The following RUBCNL variants were observed in gnomAD, a reference collection of about 807,000 sequenced individuals.
RUBCNL encodes rubicon like autophagy enhancer.
RUBCNL carries 62 observed loss-of-function variants against 69.5 expected under a neutral mutation model. The observed-to-expected ratio is 0.89, with a 90% CI of 0.73 to 1.10. The LOEUF is 1.10. Ranked by LOEUF, RUBCNL falls within the 50% of genes least tolerant of loss-of-function variation. The probability of loss-of-function intolerance (pLI) is 0.00; values close to 1 mark genes in which losing one functional copy is unlikely to be tolerated. For synonymous variants in RUBCNL, 291 were observed against 303.6 expected (o/e 0.96, Z 0.43); for missense variants, 768 against 798.1 (o/e 0.96, Z 0.45).
At chr13:46,371,117 A>AT (rs2048866249) in intron 3 of RUBCNL, among the ~76,000 whole-genome samples, 1 of 152,222 alleles carries the variant, frequency 6.6e-6, no homozygotes, top group Non-Finnish European at 1.5e-5. Flanking sequence ...GTAAGGGGGA[A>AT]GATGAGCTCC....
chr13:46,365,790 A>G (rs2048741116), intron 5 of RUBCNL, among the ~76,000 whole-genome samples: 3 of 152,230 alleles, frequency 2.0e-5, no homozygotes, highest in Admixed American at 2.0e-4. Flanking sequence ...AAAATTCCAG[A>G]ATAAAATGTG....
chr13:46,362,633 T>C (rs2048640209), intron 6 of RUBCNL, 35 bp from the exon 7 acceptor site: 1 of 1,467,094 alleles, frequency 6.8e-7, no homozygotes, highest in Admixed American at 1.8e-5. Flanking sequence ...GGTGAGGTCT[T>C]TTAGTCTGTT....
chr13:46,388,170 C>G (rs182924185), upstream of RUBCNL, among the ~76,000 whole-genome samples: 1,244 of 138,776 alleles, frequency 9.0e-3, 20 homozygotes, highest in African/African-American at 0.025. Context: ...CGCCATTGCA[C>G]TCCAGCCTGG....
chr13:46,356,503 A>G lies in RUBCNL; in HGVS notation c.1266-7T>C. ...TGCCACCACAAGGTCCCTCCTGAATACGAAAAATAATACTAGTTACATTTC... is the reference window on the plus strand; with the variant it reads ...TGCCACCACAAGGTCCCTCCTGAATGCGAAAAATAATACTAGTTACATTTC... On this transcript the variant is annotated splice_polypyrimidine_tract_variant and splice_region_variant and intron_variant, in intron 9 of 14. Coordinates refer to ENST00000429979, the MANE Select transcript of RUBCNL (RefSeq NM_025113.5). The G allele has an allele frequency of 6.2e-7, 1 of 1,612,848 alleles. No individual in the cohort carries two copies. The highest frequency in any genetic ancestry group is 1.3e-5 in the African/African-American group (1 of 74,988).
intron 1 of RUBCNL, among the ~76,000 whole-genome samples, chr13:46,384,930 G>C (rs866198926): frequency 1.6e-4 from 25 of 152,122 alleles, no homozygotes; most frequent in African/African-American, 5.6e-4. Context: ...CCAAACCCTG[G>C]AACCTTGTCC....
Position 46,338,817 on chromosome 13 carries a change from G to A in RUBCNL, c.*4568C>T, listed in dbSNP as rs985071034. 6.6e-6 allele frequency among the ~76,000 whole-genome samples: 1 copy of A among 152,054 alleles called. No individual in the cohort carries two copies. Among genetic ancestry groups the A allele is most frequent in the African/African-American group, 2.4e-5 (1 of 41,402 alleles). On this transcript the variant is annotated 3_prime_UTR_variant, in exon 15 of 15. Transcript: ENST00000429979. ...CACACCTGTAATCCAAGCACTTTGG[G>A]AGGCCGAGGCGGGTAGATCACTTCT...
At position 46,343,243 on chromosome 13, in the gene RUBCNL, G is replaced by T; in HGVS notation, c.*142C>A. Reference sequence around the variant, plus strand: ...AATCTGCATTCTTTTGAAACATTAAGTATATGCAATAAAGAGAATATAGAC... The same window carrying T: ...AATCTGCATTCTTTTGAAACATTAATTATATGCAATAAAGAGAATATAGAC... On this transcript the variant is annotated 3_prime_UTR_variant, in exon 15 of 15. Transcript: ENST00000429979. The T allele has an allele frequency of 7.9e-7, 1 of 1,262,230 alleles. No homozygotes were observed. The highest frequency in any genetic ancestry group is 1.1e-6 in the Non-Finnish European group (1 of 909,340). 78.2% of individuals were successfully genotyped at this position (1,262,230 alleles called of 1,614,324 possible). A position where few individuals can be genotyped will look rare whatever the true frequency, so the allele number is the denominator to read the frequency against.
At chr13:46,381,642 G>A (rs1273471369) in intron 1 of RUBCNL, among the ~76,000 whole-genome samples, 1 of 152,152 alleles carries the variant, frequency 6.6e-6, no homozygotes, top group Non-Finnish European at 1.5e-5. Context: ...GAGCGTAATG[G>A]TGCGATCTCG....
In RUBCNL at chr13:46,362,927, TATATATATATAG is replaced by T. The variant is rs1201563315; in HGVS notation, c.925+176_925+187del. ...AGACATTTGAAACAAGAACATCATATATATATATATAGATATATATATATATATATATATATA... is the reference window on the plus strand; with the variant it reads ...AGACATTTGAAACAAGAACATCATATATATATATATATATATATATATATA... On this transcript the variant is annotated intron_variant, in intron 6 of 14. Coordinates refer to ENST00000429979, the MANE Select transcript of RUBCNL (RefSeq NM_025113.5). 6.5e-3 allele frequency among the ~76,000 whole-genome samples: 325 copies of T among 49,762 alleles called. 19 individuals are homozygous for T. Among genetic ancestry groups the T allele is most frequent in the African/African-American group, 0.022 (84 of 3,864 alleles). The allele number at this position is 49,762 out of a possible 152,430, so 32.6% of individuals were successfully genotyped here. A position where few individuals can be genotyped will look rare whatever the true frequency, so the allele number is the denominator to read the frequency against.
chr13:46,389,702 C>G (rs2049312099), upstream of RUBCNL: 2 of 152,198 alleles, frequency 1.3e-5, no homozygotes. This position sits in a 1 kb window ranked among gnomAD's most constrained non-coding sequence, Gnocchi z 4.2. Flanking sequence ...GTCACAGACG[C>G]AGGAGGTTCA....
chr13:46,352,515 C>T (rs1305389645), intron 10 of RUBCNL, among the ~76,000 whole-genome samples: 1 of 152,108 alleles, frequency 6.6e-6, no homozygotes, highest in Non-Finnish European at 1.5e-5. Context: ...TAAAAATAAA[C>T]AAGGCCTGGC....
Position 46,338,026 on chromosome 13 carries a change from T to G in RUBCNL, c.*5359A>C, listed in dbSNP as rs934677743. On this transcript the variant is annotated 3_prime_UTR_variant, in exon 15 of 15. Transcript: ENST00000429979. ...AGCTGTCCCCAGTAGAATAATGAGG[T>G]AAATGCAGATATCAGAGTGTAAGGA... Among the ~76,000 whole-genome samples the G allele has an allele frequency of 1.3e-5, 2 of 152,028 alleles. No homozygotes were observed. The highest frequency in any genetic ancestry group is 3.9e-4 in the East Asian group (2 of 5,172).
rs930608116 is a variant in RUBCNL, at chr13:46,342,566, C to T, written c.*819G>A. The T allele has an allele frequency of 2.6e-5, 4 of 152,170 alleles. No homozygotes were observed. Among genetic ancestry groups the T allele is most frequent in the Non-Finnish European group, 5.9e-5 (4 of 68,040 alleles). The allele number at this position is 152,170 out of a possible 1,614,324, so 9.4% of individuals were successfully genotyped here. ...ATGATTTTAATGTTATTACTAGAATCACACTGTTCATTATTTCCCCCAGTT... is the reference window on the plus strand; with the variant it reads ...ATGATTTTAATGTTATTACTAGAATTACACTGTTCATTATTTCCCCCAGTT... On this transcript the variant is annotated 3_prime_UTR_variant, in exon 15 of 15. Coordinates refer to ENST00000429979, the MANE Select transcript of RUBCNL (RefSeq NM_025113.5).
At chr13:46,345,666 C>T (rs1321816313) in intron 12 of RUBCNL, 66 bp from the exon 13 acceptor site, 8 of 1,504,358 alleles carry the variant, frequency 5.3e-6, no homozygotes, top group South Asian at 1.3e-5. Flanking sequence ...AAGAATGGGG[C>T]CAGTTGTTTT....
At chr13:46,363,809 T>C (rs1010173396) in intron 5 of RUBCNL, among the ~76,000 whole-genome samples, 2 of 150,576 alleles carry the variant, frequency 1.3e-5, no homozygotes, top group African/African-American at 4.9e-5. Flanking sequence ...TGTAGTGAGC[T>C]GAGATCATGC....
At chr13:46,367,103 C>T (rs1420770943) in intron 5 of RUBCNL, among the ~76,000 whole-genome samples, 2 of 152,132 alleles carry the variant, frequency 1.3e-5, no homozygotes, top group African/African-American at 4.8e-5. Flanking sequence ...AGTAGCAAAC[C>T]CTAACATGAG....
In RUBCNL at chr13:46,339,953, A is replaced by T. The variant is rs533463970; in HGVS notation, c.*3432T>A. Among the ~76,000 whole-genome samples the T allele has an allele frequency of 1.5e-4, 23 of 152,182 alleles. No homozygotes were observed. The highest frequency in any genetic ancestry group is 5.3e-4 in the African/African-American group (22 of 41,546). On this transcript the variant is annotated 3_prime_UTR_variant, in exon 15 of 15. Transcript: ENST00000429979. ...GTCAGAAGTTTGAAATCAAGGGGTC[A>T]GCCATGTTGGGTTTTTTTTTTAAGG...
At chr13:46,355,071 G>A (rs1319638777) in intron 10 of RUBCNL, among the ~76,000 whole-genome samples, 1 of 152,204 alleles carries the variant, frequency 6.6e-6, no homozygotes, top group Non-Finnish European at 1.5e-5. Flanking sequence ...TGTAGGAGAG[G>A]AAGCCCAGAT....
chr13:46,369,863 T>G (rs756793676), intron 3 of RUBCNL, among the ~76,000 whole-genome samples: 6 of 152,242 alleles, frequency 3.9e-5, no homozygotes, highest in Non-Finnish European at 7.3e-5. Context: ...TGCTTCATGT[T>G]CAAGAAAGTA....
Sources: allele counts gnomAD v4.1 joint callset (sites outside exome capture counted in the v4.1 genomes callset), GRCh38; gene constraint gnomAD v4.1.1; non-coding constraint Gnocchi (gnomAD v3.1); transcripts MANE v1.5; gene names NCBI Gene and HGNC (gene_info 2026-07-23, HGNC 2026-07-21).